CAPN3: variants seen among roughly 807,000 people sequenced by gnomAD.
The protein encoded by CAPN3 is calpain 3.
A neutral mutation model predicts 114.0 loss-of-function variants in CAPN3; 88 were observed. The ratio of observed to expected loss-of-function variants is 0.77; its 90% CI spans 0.65 to 0.92. The LOEUF is 0.92. CAPN3 is among the 40% of genes least tolerant of loss of function. The pLI, the probability that CAPN3 is intolerant of heterozygous loss-of-function variation, is 0.00. For missense variants in CAPN3, 1,028 were observed against 1,069.0 expected, an observed-to-expected ratio of 0.96 and a Z score of 0.53; for synonymous variants, 386 against 382.9, an observed-to-expected ratio of 1.01 and a Z score of -0.09.
chr15:42,372,209 G>A (rs1263509193), intron 1 of CAPN3, among the ~76,000 whole-genome samples: 1 of 152,052 alleles, frequency 6.6e-6, no homozygotes, highest in Non-Finnish European at 1.5e-5. Flanking sequence ...GCCCAGGCTG[G>A]AGTACAATGG....
chr15:42,389,225 C>G (rs893451744), intron 5 of CAPN3, 129 bp downstream of exon 5: 16 of 861,410 alleles, frequency 1.9e-5, no homozygotes, highest in Non-Finnish European at 7.3e-6. Flanking sequence ...CAGGAACTGG[C>G]TCTCAACTTT....
In CAPN3 at chr15:42,392,657, T is replaced by C. The variant is rs149591108; in HGVS notation, c.964T>C (p.Tyr322His). ...TCTACAGACAATCATTCCGGTTCAG[T>C]ATGAGACAAGAATGGCCTGCGGGCT... ...RPTRTIIPVQ[Y>H]ETRMACGLVR... Residue 322 changes from tyrosine to histidine, a missense_variant, in exon 7 of 24, where the codon TAT becomes CAT. Coordinates refer to ENST00000397163, the MANE Select transcript of CAPN3 (RefSeq NM_000070.3). 36 of 1,613,720 alleles carry C rather than the reference T, an allele frequency of 2.2e-5. No individual in the cohort carries two copies. In the Middle Eastern group the frequency reaches 6.6e-4, roughly 29 times the overall value.
intron 8 of CAPN3, 150 bp downstream of exon 8, chr15:42,394,491 G>A (rs770796990): frequency 2.1e-5 from 15 of 723,080 alleles, no homozygotes; most frequent in Non-Finnish European, 3.1e-5. Context: ...GGGCACAGGT[G>A]TTGGCTCCAG....
intron 16 of CAPN3, 103 bp from the exon 17 acceptor site, chr15:42,409,200 C>T: frequency 2.9e-6 from 3 of 1,024,044 alleles, no homozygotes; most frequent in Non-Finnish European, 4.5e-6. Context: ...GCTGCCACCT[C>T]CGGCCGTTTT....
In CAPN3 at chr15:42,387,841, A is replaced by T. The variant is rs781125690; in HGVS notation, c.587A>T (p.His196Leu). 1 of 1,614,188 alleles carries T rather than the reference A, an allele frequency of 6.2e-7. No homozygotes were observed. The highest frequency in any genetic ancestry group is 8.5e-7 in the Non-Finnish European group (1 of 1,180,040). ...NNQLVFTKSN[H>L]RNEFWSALLE... ...CAACTGGTTTTCACCAAGTCCAACC[A>T]CCGCAATGAGTTCTGGAGTGCTCTG... The change falls in exon 4 of 24, where the codon CAC (histidine) becomes CTC (leucine). Residue 196 changes from histidine (H) to leucine (L), a missense_variant. His to Leu is a moderately conservative substitution (Grantham distance 99, BLOSUM62 -3). Transcript: ENST00000397163.
intron 22 of CAPN3, 39 bp downstream of exon 22, chr15:42,411,039 GGGGC>G: frequency 6.8e-7 from 1 of 1,481,036 alleles, no homozygotes; most frequent in Non-Finnish European, 9.4e-7. Flanking sequence ...CTCTCTTGCA[GGGGC>G]AGTTGTGGCA....
chr15:42,376,225 C>T (rs1239171567), intron 1 of CAPN3, among the ~76,000 whole-genome samples: 2 of 152,094 alleles, frequency 1.3e-5, no homozygotes, highest in African/African-American at 2.4e-5. Flanking sequence ...TTACTTCTTC[C>T]CCTCTTTTCA....
At chr15:42,388,801 AG>A in intron 4 of CAPN3, 126 bp from the exon 5 acceptor site, 2 of 828,930 alleles carry the variant, frequency 2.4e-6, no homozygotes, top group Non-Finnish European at 4.3e-6. Flanking sequence ...ATGAGCTCAT[AG>A]GGTTAATGTG....
chr15:42,385,356 CAATAA>C, intron 2 of CAPN3, among the ~76,000 whole-genome samples: 1 of 152,134 alleles, frequency 6.6e-6, no homozygotes, highest in South Asian at 2.1e-4. Context: ...ACCTTCAAAC[CAATAA>C]CCTCTTTCCA....
chr15:42,393,251 G>T (rs1162438058), intron 7 of CAPN3, among the ~76,000 whole-genome samples: 1 of 152,184 alleles, frequency 6.6e-6, no homozygotes, highest in African/African-American at 2.4e-5. Context: ...TATGTAAATA[G>T]TTATTGCACT....
chr15:42,403,138 C>T (rs2053922181), intron 13 of CAPN3, 136 bp downstream of exon 13: 1 of 728,514 alleles, frequency 1.4e-6, no homozygotes, highest in Non-Finnish European at 2.5e-6. Flanking sequence ...CACATTACCC[C>T]CATTCATTCA....
At chr15:42,408,432 C>G in intron 16 of CAPN3, 108 bp downstream of exon 16, 1 of 731,310 alleles carries the variant, frequency 1.4e-6, no homozygotes, top group Non-Finnish European at 2.5e-6. Flanking sequence ...TCTTGAACAT[C>G]TGGAGGTTTG....
chr15:42,410,937 A>G lies in CAPN3; in HGVS notation c.2317A>G (p.Lys773Glu). ...YDIITMRYAD[K>E]HMNIDFDSFI... ...CATCATTACCATGCGGTACGCAGAC[A>G]AACACATGAACATCGACTTTGACAG... is the stretch of plus-strand genomic sequence containing the variant. The change falls in exon 22 of 24, where the codon AAA (lysine) becomes GAA (glutamate). Residue 773 changes from lysine (K) to glutamate (E), a missense_variant. Coordinates refer to ENST00000397163, the MANE Select transcript of CAPN3 (RefSeq NM_000070.3). The G allele has an allele frequency of 1.2e-6, 2 of 1,614,240 alleles. No individual in the cohort carries two copies. Among genetic ancestry groups the G allele is most frequent in the Non-Finnish European group, 1.7e-6 (2 of 1,180,036 alleles).
chr15:42,399,631 G>T lies in CAPN3; in HGVS notation c.1333G>T (p.Gly445Ter). 1 of 1,605,606 alleles carries T rather than the reference G, an allele frequency of 6.2e-7. No homozygotes were observed. The highest frequency in any genetic ancestry group is 8.5e-7 in the Non-Finnish European group (1 of 1,175,210). Residue 445 changes from glycine (G) to a stop codon, truncating the protein, a stop_gained, in exon 10 of 24, where the codon GGA (glycine) becomes TGA (stop). Coordinates refer to ENST00000397163, the MANE Select transcript of CAPN3 (RefSeq NM_000070.3). LOFTEE classifies it high-confidence loss of function. ...CCGCTGGGTACGGGGTTGCTCTGCC[G>T]GAGGCTGCCGCAACTTCCCAGGTGG... is the stretch of plus-strand genomic sequence containing the variant. ...EGRWVRGCSA[G>*]GCRNFPDTFW...
At chr15:42,399,987 T>G (rs1212740770) in intron 10 of CAPN3, among the ~76,000 whole-genome samples, 1 of 152,184 alleles carries the variant, frequency 6.6e-6, no homozygotes. Flanking sequence ...CTGGCCTACC[T>G]TAAACATGCT....
chr15:42,392,191 A>G (rs3115876), intron 6 of CAPN3, among the ~76,000 whole-genome samples: 67,138 of 151,990 alleles, frequency 0.44, 16,218 homozygotes, highest in Middle Eastern at 0.58. Context: ...AGAAAAAAAG[A>G]AAAAGCTAGA....
intron 12 of CAPN3, 22 bp from the exon 13 acceptor site, chr15:42,402,772 C>T (rs777517359): frequency 5.0e-6 from 8 of 1,612,618 alleles, no homozygotes; most frequent in African/African-American, 1.3e-5. Context: ...CTCATGTGCC[C>T]TGGGCTCTCC....
At chr15:42,366,166 T>A (rs1390208628) in intron 1 of CAPN3, among the ~76,000 whole-genome samples, 2 of 152,168 alleles carry the variant, frequency 1.3e-5, no homozygotes, top group Admixed American at 1.3e-4. Flanking sequence ...TGAGGGAAAT[T>A]GTGAAATGTA....
intron 1 of CAPN3, among the ~76,000 whole-genome samples, chr15:42,383,424 C>T (rs888484842): frequency 6.6e-6 from 1 of 152,116 alleles, no homozygotes; most frequent in African/African-American, 2.4e-5. Context: ...CCTCATCTCT[C>T]TCTACTAAGA....
Sources: gnomAD v4.1 joint callset for allele counts (sites outside exome capture counted in the v4.1 genomes callset) on GRCh38, gnomAD v4.1.1 for gene constraint, MANE v1.5 for transcripts, NCBI Gene and HGNC (gene_info 2026-07-23, HGNC 2026-07-21) for gene names.